TUFT1: variants seen among roughly 807,000 people sequenced by gnomAD.
TUFT1 encodes the protein tuftelin 1.
TUFT1 carries 43 observed loss-of-function variants against 57.8 expected under a neutral mutation model. The ratio of observed to expected loss-of-function variants is 0.74; its 90% CI spans 0.58 to 0.96. The LOEUF (loss-of-function observed/expected upper bound fraction) is 0.96. TUFT1 is among the 40% of genes least tolerant of loss of function. The pLI, the probability that TUFT1 is intolerant of heterozygous loss-of-function variation, is 0.00. For missense variants in TUFT1, 459 were observed against 489.0 expected (o/e 0.94, Z 0.58); for synonymous variants, 166 against 176.7 (o/e 0.94, Z 0.48).
At chr1:151,561,935 A>T in intron 1 of TUFT1, 156 bp from the exon 2 acceptor site, 1 of 1,496,140 alleles carries the variant, frequency 6.7e-7, no homozygotes, top group Non-Finnish European at 9.0e-7. Flanking sequence ...GGGCAAGGTA[A>T]TGCTGCCTCC....
Position 151,564,633 on chromosome 1 carries a change from T to TGGTTGGGTCCCCACCGAGGA in TUFT1, c.414+23_414+42dup. 4 of 1,605,680 alleles carry TGGTTGGGTCCCCACCGAGGA rather than the reference T, an allele frequency of 2.5e-6. No homozygotes were observed. Among genetic ancestry groups the TGGTTGGGTCCCCACCGAGGA allele is most frequent in the Non-Finnish European group, 3.4e-6 (4 of 1,172,570 alleles). ...GATACAGGTAATAGGAAATGGTCCA[T>TGGTTGGGTCCCCACCGAGGA]GGTTGGGTCCCCACCGAGGAGGTGG... On this transcript the variant is annotated intron_variant, in intron 5 of 12. Coordinates refer to ENST00000368849, the MANE Select transcript of TUFT1 (RefSeq NM_020127.3).
Position 151,582,101 on chromosome 1 carries a change from A to G in TUFT1, c.*394A>G. On this transcript the variant is annotated 3_prime_UTR_variant, in exon 13 of 13. Transcript: ENST00000368849. ...TCAGCCCTAAAAGCTGGAGACACAG[A>G]TGTCCAGAGTGATTGGAGAATGTCC... 2.1e-6 allele frequency: 1 copy of G among 481,164 alleles called. No homozygotes were observed. Among genetic ancestry groups the G allele is most frequent in the African/African-American group, 2.0e-5 (1 of 51,246 alleles). The allele number at this position is 481,164 out of a possible 1,614,324, so 29.8% of individuals were successfully genotyped here.
intron 1 of TUFT1, among the ~76,000 whole-genome samples, chr1:151,555,955 C>T (rs778810591): frequency 9.2e-5 from 14 of 152,062 alleles, no homozygotes; most frequent in Non-Finnish European, 1.8e-4. Context: ...TTTCCATCAC[C>T]AAAAGCACCC....
At chr1:151,562,324 T>G (rs1446699056) in intron 2 of TUFT1, among the ~76,000 whole-genome samples, 159 bp downstream of exon 2, 1 of 152,208 alleles carries the variant, frequency 6.6e-6, no homozygotes, top group Admixed American at 6.6e-5. Flanking sequence ...TCTGCACTGC[T>G]TTGGGGCAGG....
chr1:151,574,670 G>A (rs756735667), intron 8 of TUFT1, among the ~76,000 whole-genome samples: 6 of 152,188 alleles, frequency 3.9e-5, no homozygotes, highest in East Asian at 1.9e-4. Context: ...CATAGCTGGC[G>A]AGTGGGCCTG....
At chr1:151,579,084 G>A (rs573310312) in intron 10 of TUFT1, among the ~76,000 whole-genome samples, 1 of 152,362 alleles carries the variant, frequency 6.6e-6, no homozygotes, top group South Asian at 2.1e-4. Flanking sequence ...ACTCTGTGAA[G>A]AGTGTGGGTA....
At chr1:151,549,018 G>A (rs1236362253) in intron 1 of TUFT1, among the ~76,000 whole-genome samples, 1 of 152,154 alleles carries the variant, frequency 6.6e-6, no homozygotes, top group Non-Finnish European at 1.5e-5. Flanking sequence ...TCCCTGCTTT[G>A]AGGAGTGAGT....
rs1313328754 is a variant in TUFT1 at position 151,582,377 on chromosome 1, CAT to C, written c.*671_*672del. 3 of 365,130 alleles carry C rather than the reference CAT, an allele frequency of 8.2e-6. No homozygotes were observed. In the Admixed American group the frequency reaches 1.0e-4, roughly 13 times the overall value. The allele number at this position is 365,130 out of a possible 1,614,324, so 22.6% of individuals were successfully genotyped here. A position where few individuals can be genotyped will look rare whatever the true frequency, so the allele number is the denominator to read the frequency against. ...AAAATTCTCTAGGGCTACAGACAGT[CAT>C]GTGTGACTTCTCTCTGCTGTGAAAA... On this transcript the variant is annotated 3_prime_UTR_variant, in exon 13 of 13. Coordinates refer to ENST00000368849, the MANE Select transcript of TUFT1 (RefSeq NM_020127.3).
chr1:151,543,631 A>G (rs1665236549), intron 1 of TUFT1, among the ~76,000 whole-genome samples: 1 of 152,172 alleles, frequency 6.6e-6, no homozygotes, highest in Admixed American at 6.5e-5. Context: ...CTAACCAAGG[A>G]TGTTCTGGGG....
intron 6 of TUFT1, among the ~76,000 whole-genome samples, chr1:151,568,457 C>G (rs1666148439): frequency 6.6e-6 from 1 of 152,142 alleles, no homozygotes; most frequent in Non-Finnish European, 1.5e-5. Context: ...ACTTTTATAA[C>G]TTACTTTTTT....
At position 151,564,555 on chromosome 1, in the gene TUFT1, G is replaced by A; in HGVS notation, c.355G>A (p.Asp119Asn). ...GAACTGCCTACAGAAGCTCCGGGAG[G>A]ATATAAGTAGCAAGCTTGACAGGAA... ...ARNCLQKLREDISSKLDRNLG... is the reference protein window; with the variant it reads ...ARNCLQKLRENISSKLDRNLG... The change falls in exon 5 of 13, where the codon GAT becomes AAT. Residue 119 changes from aspartate (D) to asparagine (N), a missense_variant. By Grantham distance (23) the Asp-to-Asn change is conservative. Transcript: ENST00000368849. 1 of 1,614,150 alleles carries A rather than the reference G, an allele frequency of 6.2e-7. No individual in the cohort carries two copies. The highest frequency in any genetic ancestry group is 8.5e-7 in the Non-Finnish European group (1 of 1,180,008).
chr1:151,555,804 A>G (rs568709334), intron 1 of TUFT1, among the ~76,000 whole-genome samples: 136 of 151,126 alleles, frequency 9.0e-4, no homozygotes, highest in African/African-American at 3.1e-3. Context: ...AAAGATAATT[A>G]TAGATTCACA....
At chr1:151,576,949 T>A (rs1666486749) in intron 9 of TUFT1, among the ~76,000 whole-genome samples, 2 of 152,002 alleles carry the variant, frequency 1.3e-5, no homozygotes, top group South Asian at 4.1e-4. Context: ...ATTTAAAAAG[T>A]TTTTCATTGA....
At chr1:151,547,213 G>A (rs1188567438) in intron 1 of TUFT1, among the ~76,000 whole-genome samples, 1 of 152,242 alleles carries the variant, frequency 6.6e-6, no homozygotes, top group Non-Finnish European at 1.5e-5. Context: ...GGAATTTGGG[G>A]AATGCTGGGC....
rs1666559597 is a variant in TUFT1, at chr1:151,578,782, A to T, written c.880A>T (p.Met294Leu). 6.3e-7 allele frequency: 1 copy of T among 1,585,078 alleles called. No individual in the cohort carries two copies. The highest frequency in any genetic ancestry group is 1.1e-5 in the South Asian group (1 of 87,038). ...LREKIHHLDD[M>L]LKSQQRKVRQ... The stretch of plus-strand genomic sequence containing the variant: ...GGAGAAGATCCACCACTTGGATGAC[A>T]TGCTCAAGAGCCAGCAGCGGAAAGT... The change falls in exon 10 of 13, where the codon ATG (methionine) becomes TTG (leucine). Residue 294 changes from methionine to leucine, a missense_variant. By Grantham distance (15) the Met-to-Leu change is conservative (BLOSUM62 2). Transcript: ENST00000368849.
rs370396908 is a variant in TUFT1 at position 151,581,876 on chromosome 1, G to A, written c.*169G>A. 1 of 682,398 alleles carries A rather than the reference G, an allele frequency of 1.5e-6. No individual in the cohort carries two copies. Among genetic ancestry groups the A allele is most frequent in the Non-Finnish European group, 2.6e-6 (1 of 386,410 alleles). The allele number at this position is 682,398 out of a possible 1,614,324, so 42.3% of individuals were successfully genotyped here. The stretch of plus-strand genomic sequence containing the variant: ...CCAAGCCCCTGGCCACTCTAAGCTG[G>A]GCAGACGGAGCACGAGCACCTATTC... On this transcript the variant is annotated 3_prime_UTR_variant, in exon 13 of 13. Coordinates refer to ENST00000368849, the MANE Select transcript of TUFT1 (RefSeq NM_020127.3).
Position 151,581,995 on chromosome 1 carries a change from C to A in TUFT1, c.*288C>A. The A allele has an allele frequency of 3.8e-6, 2 of 527,678 alleles. No homozygotes were observed. The highest frequency in any genetic ancestry group is 5.2e-5 in the South Asian group (2 of 38,334). 32.7% of individuals were successfully genotyped at this position (527,678 alleles called of 1,614,324 possible). On this transcript the variant is annotated 3_prime_UTR_variant, in exon 13 of 13. Coordinates refer to ENST00000368849, the MANE Select transcript of TUFT1 (RefSeq NM_020127.3). ...AGTGACTATTTTTCTCTGTAGAGAG[C>A]CTCCCTTCTGTTGTAGACTGGACTC...
intron 1 of TUFT1, 132 bp downstream of exon 1, chr1:151,540,558 TTC>T (rs1178790392): frequency 2.0e-6 from 2 of 982,536 alleles, no homozygotes; most frequent in Non-Finnish European, 3.1e-6. Context: ...TGCGCGGCGC[TTC>T]TCTCTTTTTA....
intron 1 of TUFT1, among the ~76,000 whole-genome samples, chr1:151,550,545 A>G (rs1275164070): frequency 6.6e-6 from 1 of 151,776 alleles, no homozygotes; most frequent in Non-Finnish European, 1.5e-5. Flanking sequence ...GGGTTTCACC[A>G]TGTTGACCAG....
Sources: gnomAD v4.1 joint callset for allele counts (sites outside exome capture counted in the v4.1 genomes callset) on GRCh38, gnomAD v4.1.1 for gene constraint, MANE v1.5 for transcripts, NCBI Gene and HGNC (gene_info 2026-07-23, HGNC 2026-07-21) for gene names.